FGF12: variants seen among roughly 807,000 people sequenced by gnomAD.
FGF12 encodes the protein fibroblast growth factor 12B.
A neutral mutation model predicts 23.6 loss-of-function variants in FGF12; 14 were observed. The ratio of observed to expected loss-of-function variants is 0.59; its 90% CI spans 0.39 to 0.93. FGF12 has a LOEUF of 0.93. Ranked by LOEUF, FGF12 falls within the 40% of genes least tolerant of loss-of-function variation. FGF12 has a pLI of 0.00. For missense variants in FGF12, 175 were observed against 217.8 expected, an observed-to-expected ratio of 0.80 and a Z score of 1.24; for synonymous variants, 62 against 77.3, an observed-to-expected ratio of 0.80 and a Z score of 1.04.
Position 192,664,601 on chromosome 3 carries a change from AATAC to A in FGF12, c.13+62576_13+62579del, listed in dbSNP as rs1249607707. On this transcript the variant is annotated intron_variant, in intron 2 of 5. Transcript: ENST00000445105. Reference sequence around the variant, plus strand: ...CTGTCTCTACTAAAAATACAAAAAAAATACAAAAAAAAAAAAAAGCTGGGCATGG... The same window carrying A: ...CTGTCTCTACTAAAAATACAAAAAAAAAAAAAAAAAAAAAGCTGGGCATGG... Among the ~76,000 whole-genome samples, 23 of 140,366 alleles carry A rather than the reference AATAC, an allele frequency of 1.6e-4. 1 individual carries two copies. Among genetic ancestry groups the A allele is most frequent in the Non-Finnish European group, 3.0e-4 (19 of 64,156 alleles). The allele number at this position is 140,366 out of a possible 152,430, so 92.1% of individuals were successfully genotyped here. A position where few individuals can be genotyped will look rare whatever the true frequency, so the allele number is the denominator to read the frequency against.
At chr3:192,594,518 G>A (rs1228319516) in intron 2 of FGF12, among the ~76,000 whole-genome samples, 1 of 151,864 alleles carries the variant, frequency 6.6e-6, no homozygotes, top group Non-Finnish European at 1.5e-5. Flanking sequence ...CTGCTGCTAT[G>A]GTTTGGATAT....
intron 4 of FGF12, among the ~76,000 whole-genome samples, chr3:192,333,332 A>G (rs1474191763): frequency 6.6e-6 from 1 of 152,184 alleles, no homozygotes; most frequent in African/African-American, 2.4e-5. Flanking sequence ...TATACATAAT[A>G]TAGTCTACAT....
intron 4 of FGF12, among the ~76,000 whole-genome samples, chr3:192,308,297 A>C (rs1423245832): frequency 6.6e-6 from 1 of 152,222 alleles, no homozygotes; most frequent in Non-Finnish European, 1.5e-5. Context: ...ACTCAAAAGT[A>C]ATAGGTTGTT....
At chr3:192,679,357 G>T (rs1560191910) in intron 2 of FGF12, among the ~76,000 whole-genome samples, 1 of 152,136 alleles carries the variant, frequency 6.6e-6, no homozygotes, top group Non-Finnish European at 1.5e-5. Flanking sequence ...CAGCACTTTG[G>T]CAGGGCAAGA....
At chr3:192,556,258 C>T (rs1305396330) in intron 2 of FGF12, among the ~76,000 whole-genome samples, 8 of 152,086 alleles carry the variant, frequency 5.3e-5, no homozygotes, top group Non-Finnish European at 1.0e-4. Flanking sequence ...AAAGATCCAA[C>T]TATAAGATAT....
At chr3:192,604,976 G>A (rs998084931) in intron 2 of FGF12, among the ~76,000 whole-genome samples, 2 of 152,088 alleles carry the variant, frequency 1.3e-5, no homozygotes, top group African/African-American at 2.4e-5. Flanking sequence ...TTTAATACAT[G>A]GTGCTAGGAT....
In FGF12 at chr3:192,146,322, G is replaced by A. The variant is rs899194162; in HGVS notation, c.428-2195C>T. On this transcript the variant is annotated intron_variant, in intron 5 of 5. Transcript: ENST00000445105. The stretch of plus-strand genomic sequence containing the variant: ...GTCTCGCTCTATAGCCCAGGCTGGA[G>A]TGCTTTGGTGCTATCTAGGCTCACT... Among the ~76,000 whole-genome samples, 10 of 146,400 alleles carry A rather than the reference G, an allele frequency of 6.8e-5. No homozygotes were observed. The Admixed American group carries it at 6.9e-4, about 10-fold the overall frequency.
At chr3:192,412,907 A>C (rs1009506950) in intron 2 of FGF12, among the ~76,000 whole-genome samples, 1 of 152,232 alleles carries the variant, frequency 6.6e-6, no homozygotes, top group Non-Finnish European at 1.5e-5. Context: ...CAGGGATACC[A>C]ATACTTTGAT....
intron 3 of FGF12, among the ~76,000 whole-genome samples, chr3:192,345,749 A>C (rs1560079121): frequency 6.6e-6 from 1 of 152,178 alleles, no homozygotes; most frequent in Admixed American, 6.5e-5. Context: ...GTAGTTGTGA[A>C]GAAAGTAGGA....
At chr3:192,705,241 C>A (rs1052040601) in intron 2 of FGF12, among the ~76,000 whole-genome samples, 2 of 152,196 alleles carry the variant, frequency 1.3e-5, no homozygotes, top group Non-Finnish European at 2.9e-5. Flanking sequence ...TTAATCATTA[C>A]TAGCTTTTGA....
chr3:192,562,295 AT>A (rs1712076753), intron 2 of FGF12, among the ~76,000 whole-genome samples: 1 of 152,204 alleles, frequency 6.6e-6, no homozygotes, highest in Non-Finnish European at 1.5e-5. Context: ...GAAATGTTGT[AT>A]GTCTTGATGA....
intron 2 of FGF12, among the ~76,000 whole-genome samples, chr3:192,468,852 T>C (rs1482020125): frequency 6.6e-6 from 1 of 152,200 alleles, no homozygotes; most frequent in Non-Finnish European, 1.5e-5. Flanking sequence ...GAACAGTGAT[T>C]TTTCTATTTC....
chr3:192,552,252 A>G (rs1323088995), intron 2 of FGF12, among the ~76,000 whole-genome samples: 1 of 152,126 alleles, frequency 6.6e-6, no homozygotes, highest in Non-Finnish European at 1.5e-5. Flanking sequence ...ATGATTGAGA[A>G]GAACAAGCAG....
At chr3:192,199,518 C>A (rs1447372898) in intron 4 of FGF12, among the ~76,000 whole-genome samples, 1 of 152,104 alleles carries the variant, frequency 6.6e-6, no homozygotes, top group Middle Eastern at 3.2e-3. Context: ...AAATGGAGGC[C>A]AAATGTATAT....
rs529443114 is a variant in FGF12 at position 192,299,217 on chromosome 3, G to A, written c.228+36144C>T. Among the ~76,000 whole-genome samples the A allele has an allele frequency of 4.6e-5, 7 of 152,296 alleles. No individual in the cohort carries two copies. In the South Asian group the frequency reaches 1.5e-3, roughly 32 times the overall value. On this transcript the variant is annotated intron_variant, in intron 4 of 5. Transcript: ENST00000445105. ...ATTGGAGAAGATTGTTGCAGACTGAGGGAAGGCCAAGAAGTAGAAATAGCT... is the reference window on the plus strand; with the variant it reads ...ATTGGAGAAGATTGTTGCAGACTGAAGGAAGGCCAAGAAGTAGAAATAGCT...
chr3:192,169,294 T>A (rs182110741), intron 5 of FGF12, among the ~76,000 whole-genome samples: 1 of 152,088 alleles, frequency 6.6e-6, no homozygotes, highest in East Asian at 1.9e-4. Flanking sequence ...TGAGCCGAGA[T>A]TGCACCACCG....
intron 4 of FGF12, among the ~76,000 whole-genome samples, chr3:192,251,753 T>G (rs971469279): frequency 6.6e-6 from 1 of 151,926 alleles, no homozygotes; most frequent in Non-Finnish European, 1.5e-5. Flanking sequence ...ATGGCCCATA[T>G]AGTATGATCC....
chr3:192,323,599 C>T (rs1017141520), intron 4 of FGF12, among the ~76,000 whole-genome samples: 3 of 152,076 alleles, frequency 2.0e-5, no homozygotes, highest in East Asian at 3.8e-4. Context: ...TTGATGGGTA[C>T]AAACATATAG....
At chr3:192,222,487 A>G (rs981474560) in intron 4 of FGF12, among the ~76,000 whole-genome samples, 29 of 152,156 alleles carry the variant, frequency 1.9e-4, no homozygotes, top group African/African-American at 7.0e-4. Context: ...ACTCAAAAGG[A>G]AAGAATAATA....
Sources: gnomAD v4.1 joint callset for allele counts (sites outside exome capture counted in the v4.1 genomes callset) on GRCh38, gnomAD v4.1.1 for gene constraint, MANE v1.5 for transcripts, NCBI Gene and HGNC (gene_info 2026-07-23, HGNC 2026-07-21) for gene names.